FAIM2: variants seen among roughly 807,000 people sequenced by gnomAD.
FAIM2 encodes the protein Fas apoptotic inhibitory molecule 2.
In FAIM2, 27 loss-of-function variants were observed where a neutral mutation model predicts 47.4. The observed-to-expected ratio is 0.57, with a 90% CI of 0.42 to 0.78. FAIM2 has a LOEUF of 0.78. Ranked by LOEUF, FAIM2 falls within the 30% of genes least tolerant of loss-of-function variation. FAIM2 has a pLI of 0.00. For synonymous variants in FAIM2, 156 were observed against 159.3 expected, an observed-to-expected ratio of 0.98 and a Z score of 0.16; for missense variants, 311 against 389.4, an observed-to-expected ratio of 0.80 and a Z score of 1.69.
At position 49,889,096 on chromosome 12, in the gene FAIM2, C is replaced by G; in HGVS notation, c.747+11G>C. On this transcript the variant is annotated intron_variant, in intron 10 of 11. Coordinates refer to ENST00000320634, the MANE Select transcript of FAIM2 (RefSeq NM_012306.4). The stretch of plus-strand genomic sequence containing the variant: ...TCCCCATGGGGCCTGCTGGGGGACC[C>G]AGAGACTCACATATTGGAAGGGTAG... The G allele has an allele frequency of 6.3e-7, 1 of 1,598,700 alleles. No homozygotes were observed. The highest frequency in any genetic ancestry group is 8.5e-7 in the Non-Finnish European group (1 of 1,170,670).
chr12:49,876,046 A>T (rs1163329760), intron 11 of FAIM2, among the ~76,000 whole-genome samples: 3 of 152,220 alleles, frequency 2.0e-5, no homozygotes, highest in Admixed American at 1.3e-4. Flanking sequence ...AATATTTTGT[A>T]TGAAAGAGCC....
intron 10 of FAIM2, among the ~76,000 whole-genome samples, chr12:49,887,643 T>C (rs1946871211): frequency 6.6e-6 from 1 of 151,738 alleles, no homozygotes; most frequent in Admixed American, 6.6e-5. Flanking sequence ...GCGATCCTGG[T>C]GGGACTGGTG....
In FAIM2 at chr12:49,868,169, T is replaced by A. The variant is rs368776076; in HGVS notation, c.*2335A>T. On this transcript the variant is annotated 3_prime_UTR_variant, in exon 12 of 12. Coordinates refer to ENST00000320634, the MANE Select transcript of FAIM2 (RefSeq NM_012306.4). ...ATCTGACAGTGGCAGGAGAGTGGGG[T>A]GCTGGGGCTAACCCTCTGGAACTGA... 1.8e-4 allele frequency: 28 copies of A among 152,200 alleles called. No individual in the cohort carries two copies. In the East Asian group the frequency reaches 4.1e-3, roughly 22 times the overall value. 9.4% of individuals were successfully genotyped at this position (152,200 alleles called of 1,614,324 possible).
chr12:49,889,555 T>A lies in FAIM2; in HGVS notation c.577A>T (p.Thr193Ser), dbSNP rs1209538333. ...TGMLSSYYNT[T>S]SVLLCLGITA... is the part of the protein sequence containing the mutation. ...ATGCCCAGGCACAGCAGCACGGAGG[T>A]GGTGTTGTAGTAGCTGAGGACCGTC... The change falls in exon 9 of 12, where the codon ACC (threonine) becomes TCC (serine). Residue 193 changes from threonine (T) to serine (S), a missense_variant. By Grantham distance (58) the Thr-to-Ser change is moderately conservative. Coordinates refer to ENST00000320634, the MANE Select transcript of FAIM2 (RefSeq NM_012306.4). The A allele has an allele frequency of 6.2e-7, 1 of 1,613,064 alleles. No individual in the cohort carries two copies. The highest frequency in any genetic ancestry group is 8.5e-7 in the Non-Finnish European group (1 of 1,179,732).
At chr12:49,897,636 C>T (rs1437644006) in intron 3 of FAIM2, 53 bp from the exon 4 acceptor site, 8 of 1,360,170 alleles carry the variant, frequency 5.9e-6, no homozygotes, top group Non-Finnish European at 8.3e-6. Flanking sequence ...AGGGACCTGT[C>T]AGCCCCGCAG....
At chr12:49,899,708 A>G (rs566787295) in intron 2 of FAIM2, among the ~76,000 whole-genome samples, 124 of 152,332 alleles carry the variant, frequency 8.1e-4, no homozygotes, top group African/African-American at 2.8e-3. Flanking sequence ...GTGCTGAGGC[A>G]TCTGTCACTG....
At chr12:49,887,333 G>A (rs1401406515) in intron 11 of FAIM2, 53 bp downstream of exon 11, 2 of 1,507,774 alleles carry the variant, frequency 1.3e-6, no homozygotes, top group East Asian at 2.3e-5. Context: ...GGGGACTGGG[G>A]TGATGGTCAG....
rs1565609961 is a variant in FAIM2, at chr12:49,868,098, AGAG to A, written c.*2403_*2405del. On this transcript the variant is annotated 3_prime_UTR_variant, in exon 12 of 12. Transcript: ENST00000320634. ...GTTTCTGCAGTAACTTATCCCAGGG[AGAG>A]GAGAACTTGGACAAGTAGATTCTAG... 6.5e-6 allele frequency: 1 copy of A among 152,720 alleles called. No individual in the cohort carries two copies. The highest frequency in any genetic ancestry group is 1.5e-5 in the Non-Finnish European group (1 of 68,398). The allele number at this position is 152,720 out of a possible 1,614,324, so 9.5% of individuals were successfully genotyped here.
chr12:49,901,131 G>A lies in FAIM2; in HGVS notation c.210C>T (p.Pro70=). The change falls in exon 2 of 12, where the codon CCC becomes CCT. Residue 70 remains proline, a splice_region_variant and synonymous_variant. Transcript: ENST00000320634. ...PLHPSWAYVD[P]SSSSSYDNGF... ...GGTTCCAGGAGCTGAAAGACTTACT[G>A]GGGTCCACATAGGCCCAGCTAGGGT... 2 of 1,581,644 alleles carry A rather than the reference G, an allele frequency of 1.3e-6. No homozygotes were observed. Among genetic ancestry groups the A allele is most frequent in the Non-Finnish European group, 1.7e-6 (2 of 1,168,610 alleles).
intron 11 of FAIM2, among the ~76,000 whole-genome samples, chr12:49,878,658 G>A (rs111200378): frequency 1.0e-3 from 131 of 125,648 alleles, no homozygotes; most frequent in Non-Finnish European, 1.6e-3. Context: ...ATGTGCGCTT[G>A]TATGTGCATG....
chr12:49,897,769 C>CA (rs1007789281), intron 3 of FAIM2, among the ~76,000 whole-genome samples, 186 bp from the exon 4 acceptor site: 126 of 151,452 alleles, frequency 8.3e-4, no homozygotes, highest in African/African-American at 3.0e-3. Flanking sequence ...AGCGCACCCC[C>CA]CCCCAGCATT....
chr12:49,889,301 A>AC, intron 9 of FAIM2, 99 bp from the exon 10 acceptor site: 3 of 1,059,938 alleles, frequency 2.8e-6, no homozygotes, highest in Non-Finnish European at 2.9e-6. Flanking sequence ...TCTTGTGCTT[A>AC]CCCCAAGAAC....
intron 11 of FAIM2, among the ~76,000 whole-genome samples, chr12:49,880,528 ATG>A (rs1946811037): frequency 1.6e-5 from 2 of 128,438 alleles, no homozygotes; most frequent in Admixed American, 8.0e-5. Context: ...GCATGTGTAT[ATG>A]TGCGTGTGTA....
chr12:49,903,709 T>C, intron 1 of FAIM2, 69 bp downstream of exon 1: 1 of 1,544,346 alleles, frequency 6.5e-7, no homozygotes, highest in South Asian at 1.2e-5. Flanking sequence ...TCCAGAGGGC[T>C]TGCTGAGGAT....
intron 11 of FAIM2, among the ~76,000 whole-genome samples, chr12:49,880,579 T>C (rs1417408669): frequency 1.3e-5 from 2 of 150,056 alleles, no homozygotes; most frequent in African/African-American, 2.5e-5. Flanking sequence ...TATCTGTGCA[T>C]GTGTATATGT....
intron 2 of FAIM2, among the ~76,000 whole-genome samples, chr12:49,898,921 C>G (rs1035659283): frequency 3.3e-5 from 5 of 151,264 alleles, no homozygotes; most frequent in Non-Finnish European, 7.4e-5. Context: ...ACCAGGGCTT[C>G]AGGGGGTGGG....
In FAIM2 at chr12:49,870,294, G is replaced by A. The variant is rs757090846; in HGVS notation, c.*210C>T. The A allele has an allele frequency of 1.2e-4, 63 of 519,672 alleles. 1 individual carries two copies. The South Asian group carries it at 1.4e-3, about 11-fold the overall frequency. 32.2% of individuals were successfully genotyped at this position (519,672 alleles called of 1,614,324 possible). A position where few individuals can be genotyped will look rare whatever the true frequency, so the allele number is the denominator to read the frequency against. On this transcript the variant is annotated 3_prime_UTR_variant, in exon 12 of 12. Coordinates refer to ENST00000320634, the MANE Select transcript of FAIM2 (RefSeq NM_012306.4). ...GGAAGATGTAACGGGCGAATGGGGC[G>A]GCACAGGGATTGACGTGGCCTCAGT...
Position 49,878,510 on chromosome 12 carries a change from G to A in FAIM2, c.802-7857C>T, listed in dbSNP as rs202146299. ...TATATGTATGTGCATGTGTGTATAT[G>A]TGTGCATATGACTGTGTATGTGCAT... On this transcript the variant is annotated intron_variant, in intron 11 of 11. Transcript: ENST00000320634. Among the ~76,000 whole-genome samples the A allele has an allele frequency of 6.1e-5, 4 of 65,264 alleles. 1 individual carries two copies. The highest frequency in any genetic ancestry group is 2.5e-4 in the African/African-American group (3 of 11,904). 42.8% of individuals were successfully genotyped at this position (65,264 alleles called of 152,430 possible).
chr12:49,882,539 C>A (rs1375390346), intron 11 of FAIM2, among the ~76,000 whole-genome samples: 1 of 152,102 alleles, frequency 6.6e-6, no homozygotes, highest in Non-Finnish European at 1.5e-5. Context: ...GGGAACTGGC[C>A]CCATGCTCTC....
Sources: gnomAD v4.1 joint callset for allele counts (sites outside exome capture counted in the v4.1 genomes callset) on GRCh38, gnomAD v4.1.1 for gene constraint, MANE v1.5 for transcripts, NCBI Gene and HGNC (gene_info 2026-07-23, HGNC 2026-07-21) for gene names.